ASIC2: variants seen among roughly 807,000 people sequenced by gnomAD.
The protein encoded by ASIC2 is acid-sensing ion channel 2.
Under a neutral mutation model 57.3 loss-of-function variants are expected in ASIC2, and 25 were observed. That is an observed-to-expected ratio of 0.44 (90% confidence interval 0.32 to 0.61). ASIC2 has a LOEUF of 0.61. ASIC2 is among the 20% of genes least tolerant of loss of function. The pLI is 0.06. For missense variants in ASIC2, 641 were observed against 738.1 expected, an observed-to-expected ratio of 0.87 and a Z score of 1.52; for synonymous variants, 319 against 307.5, an observed-to-expected ratio of 1.04 and a Z score of -0.39.
intron 1 of ASIC2, among the ~76,000 whole-genome samples, chr17:33,795,898 AAAC>A (rs1911901333): frequency 6.6e-6 from 1 of 152,240 alleles, no homozygotes; most frequent in South Asian, 2.1e-4. Flanking sequence ...CCTTGAAGTT[AAAC>A]AACAACAAAA....
intron 1 of ASIC2, among the ~76,000 whole-genome samples, chr17:33,464,617 TCTTTC>T (rs557485850): frequency 7.5e-4 from 111 of 148,966 alleles, no homozygotes; most frequent in Non-Finnish European, 1.2e-3. Flanking sequence ...CTTTCTTTTT[TCTTTC>T]CTTTTTCTTT....
At chr17:33,306,450 T>C (rs1479400095) in intron 1 of ASIC2, among the ~76,000 whole-genome samples, 1 of 152,206 alleles carries the variant, frequency 6.6e-6, no homozygotes, top group African/African-American at 2.4e-5. Context: ...CTTTTAAATT[T>C]GGAACTGCAG....
chr17:33,940,299 C>A (rs1294533319), intron 1 of ASIC2, among the ~76,000 whole-genome samples: 1 of 152,060 alleles, frequency 6.6e-6, no homozygotes, highest in Non-Finnish European at 1.5e-5. Context: ...ATTCTGGGTT[C>A]CCTGTAGAAG....
intron 1 of ASIC2, among the ~76,000 whole-genome samples, chr17:33,729,078 G>A (rs1393092905): frequency 6.6e-6 from 1 of 152,106 alleles, no homozygotes; most frequent in Admixed American, 6.6e-5. Flanking sequence ...TCACTATGAA[G>A]AAATACCTGA....
chr17:33,579,061 G>A (rs1280728943), intron 1 of ASIC2, among the ~76,000 whole-genome samples: 1 of 152,030 alleles, frequency 6.6e-6, no homozygotes, highest in Non-Finnish European at 1.5e-5. Flanking sequence ...CGAAGCGGGT[G>A]GATCACTTGA....
At chr17:33,813,952 T>C (rs1315941413) in intron 1 of ASIC2, among the ~76,000 whole-genome samples, 3 of 152,102 alleles carry the variant, frequency 2.0e-5, no homozygotes, top group South Asian at 4.1e-4. Flanking sequence ...AAGGTCTCTG[T>C]GGGGACATTC....
chr17:33,302,742 GACCTGTGTGATT>G (rs1403123369), intron 1 of ASIC2, among the ~76,000 whole-genome samples: 2 of 152,156 alleles, frequency 1.3e-5, no homozygotes, highest in African/African-American at 4.8e-5. Context: ...CAGTCCTGTG[GACCTGTGTGATT>G]ACCCAAACAG....
chr17:33,622,402 C>T (rs58404255), intron 1 of ASIC2, among the ~76,000 whole-genome samples: 5,245 of 152,194 alleles, frequency 0.034, 257 homozygotes, highest in African/African-American at 0.1. Context: ...AAGACACACA[C>T]ACACACAGAC....
intron 1 of ASIC2, among the ~76,000 whole-genome samples, chr17:33,388,784 G>C (rs137931650): frequency 1.3e-5 from 2 of 152,298 alleles, no homozygotes; most frequent in South Asian, 4.1e-4. Flanking sequence ...ACTTAATATA[G>C]CAAATGTTCA....
chr17:33,652,236 G>A (rs1488485308), intron 1 of ASIC2, among the ~76,000 whole-genome samples: 1 of 152,194 alleles, frequency 6.6e-6, no homozygotes, highest in Admixed American at 6.5e-5. Context: ...AGGTGGGCAG[G>A]AGACTAATCC....
chr17:33,148,446 G>A (rs1054216783), intron 1 of ASIC2, among the ~76,000 whole-genome samples: 12 of 152,312 alleles, frequency 7.9e-5, no homozygotes, highest in African/African-American at 2.6e-4. Flanking sequence ...ACATTAGGAT[G>A]TGCGAGAAGA....
rs147395328 is a variant in ASIC2, at chr17:33,854,775, G to A, written c.555+301203C>T. Among the ~76,000 whole-genome samples the A allele has an allele frequency of 2.8e-3, 428 of 152,324 alleles. 1 individual carries two copies. Among genetic ancestry groups the A allele is most frequent in the African/African-American group, 9.7e-3 (402 of 41,576 alleles). On this transcript the variant is annotated intron_variant, in intron 1 of 9. Transcript: ENST00000359872. Reference sequence around the variant, plus strand: ...AGACCTGGGGACCTCTGTCACACAAGTTGCCAGCTCCCATTTGTCATCTGC... The same window carrying A: ...AGACCTGGGGACCTCTGTCACACAAATTGCCAGCTCCCATTTGTCATCTGC...
rs1369107 is a variant in ASIC2 at position 33,562,160 on chromosome 17, C to T, written c.556-450093G>A. 5.8e-3 allele frequency among the ~76,000 whole-genome samples: 880 copies of T among 152,294 alleles called. 4 individuals are homozygous for T. Among genetic ancestry groups the T allele is most frequent in the African/African-American group, 0.02 (823 of 41,570 alleles). On this transcript the variant is annotated intron_variant, in intron 1 of 9. Transcript: ENST00000359872. ...TTTGTGAAACCCTCTTCAACTTGTA[C>T]GGGCCAAATGCCCCTTTCACCTTTC... is the stretch of plus-strand genomic sequence containing the variant.
chr17:33,945,637 GC>G (rs1219617984), intron 1 of ASIC2, among the ~76,000 whole-genome samples: 3 of 152,066 alleles, frequency 2.0e-5, no homozygotes, highest in African/African-American at 7.2e-5. Flanking sequence ...GCTGCATATG[GC>G]TTCTGTGTCA....
At chr17:33,505,955 G>A (rs968572694) in intron 1 of ASIC2, among the ~76,000 whole-genome samples, 1 of 152,182 alleles carries the variant, frequency 6.6e-6, no homozygotes, top group Non-Finnish European at 1.5e-5. Flanking sequence ...CTTGAAAAAA[G>A]GGATTGCTTT....
intron 1 of ASIC2, among the ~76,000 whole-genome samples, chr17:33,230,174 C>A (rs945143532): frequency 6.6e-6 from 1 of 152,222 alleles, no homozygotes; most frequent in Non-Finnish European, 1.5e-5. Flanking sequence ...TTCCACTCTG[C>A]CTAATAAATG....
intron 1 of ASIC2, among the ~76,000 whole-genome samples, chr17:33,870,904 A>G (rs1003367927): frequency 2.0e-4 from 31 of 152,354 alleles, no homozygotes; most frequent in African/African-American, 7.5e-4. Flanking sequence ...TGGCTGCTTC[A>G]GTAGGAAGGC....
At chr17:34,139,051 C>T (rs781282301) in intron 1 of ASIC2, among the ~76,000 whole-genome samples, 1 of 152,172 alleles carries the variant, frequency 6.6e-6, no homozygotes. Flanking sequence ...TTTGAAACCT[C>T]TAATGAAATT....
intron 1 of ASIC2, among the ~76,000 whole-genome samples, chr17:33,528,052 A>C (rs1914937387): frequency 6.6e-6 from 1 of 152,130 alleles, no homozygotes; most frequent in Non-Finnish European, 1.5e-5. Flanking sequence ...TCAAACAATT[A>C]AGCAATGCAT....
Sources: allele counts gnomAD v4.1 joint callset (sites outside exome capture counted in the v4.1 genomes callset), GRCh38; gene constraint gnomAD v4.1.1; transcripts MANE v1.5; gene names NCBI Gene and HGNC (gene_info 2026-07-23, HGNC 2026-07-21).